Variants in ARFGEF1 observed in about 807,000 individuals in gnomAD.
The protein encoded by ARFGEF1 is ARF guanine nucleotide exchange factor 1, also known as brefeldin A-inhibited guanine nucleotide-exchange protein 1.
Under a neutral mutation model 231.0 loss-of-function variants are expected in ARFGEF1, and 42 were observed. The ratio of observed to expected loss-of-function variants is 0.18; its 90% CI spans 0.14 to 0.24. The LOEUF is 0.24. ARFGEF1 is among the 10% of genes least tolerant of loss of function. The pLI, the probability that ARFGEF1 is intolerant of heterozygous loss-of-function variation, is 1.00. For missense variants in ARFGEF1, 1,345 were observed against 2,192.0 expected (o/e 0.61, Z 7.72); for synonymous variants, 710 against 732.3 (o/e 0.97, Z 0.49).
intron 1 of ARFGEF1, among the ~76,000 whole-genome samples, chr8:67,305,636 C>T (rs191656455): frequency 9.9e-5 from 15 of 152,090 alleles, no homozygotes; most frequent in East Asian, 5.8e-4. Context: ...TGTGAGCCAC[C>T]GCGCCCGGCC....
At chr8:67,181,391 A>C (rs1416279414) in intron 5 of ARFGEF1, among the ~76,000 whole-genome samples, 2 of 140,684 alleles carry the variant, frequency 1.4e-5, no homozygotes, top group Non-Finnish European at 1.5e-5. Context: ...AGGAAGATGC[A>C]CTGCGGAGAG....
chr8:67,328,423 T>C (rs1268341245), intron 1 of ARFGEF1, among the ~76,000 whole-genome samples: 1 of 152,184 alleles, frequency 6.6e-6, no homozygotes, highest in Non-Finnish European at 1.5e-5. Flanking sequence ...TATAGCAGTT[T>C]GCACACACAA....
At chr8:67,278,359 C>G (rs1173120500) in intron 7 of ARFGEF1, among the ~76,000 whole-genome samples, 1 of 152,048 alleles carries the variant, frequency 6.6e-6, no homozygotes, top group Non-Finnish European at 1.5e-5. Flanking sequence ...TATGAGGAAC[C>G]ACCAAAACAC....
chr8:67,186,356 C>T (rs1276638583), intron 5 of ARFGEF1, among the ~76,000 whole-genome samples: 1 of 149,732 alleles, frequency 6.7e-6, no homozygotes, highest in Non-Finnish European at 1.5e-5. Context: ...TAGTGGTGGT[C>T]AGACATGGAA....
In ARFGEF1 at chr8:67,226,435, ACT is replaced by A. The variant is rs531896748; in HGVS notation, c.3917-254_3917-253del. On this transcript the variant is annotated intron_variant, in intron 27 of 38. Coordinates refer to ENST00000262215, the MANE Select transcript of ARFGEF1 (RefSeq NM_006421.5). Reference sequence around the variant, plus strand: ...ATACAGTGACTGGTACACGGTAGGTACTGATTCAACTTTGGTTGAATGAATAT... The same window carrying A: ...ATACAGTGACTGGTACACGGTAGGTAGATTCAACTTTGGTTGAATGAATAT... Among the ~76,000 whole-genome samples the A allele has an allele frequency of 1.8e-4, 27 of 152,248 alleles. 1 individual carries two copies. The East Asian group carries it at 5.0e-3, about 28-fold the overall frequency.
At chr8:67,253,730 T>C (rs1442322625) in intron 17 of ARFGEF1, 108 bp from the exon 18 acceptor site, 10 of 600,850 alleles carry the variant, frequency 1.7e-5, no homozygotes, top group Admixed American at 8.1e-5. Flanking sequence ...CTTTTGAGGA[T>C]AGAAACTGGA....
intron 5 of ARFGEF1, among the ~76,000 whole-genome samples, chr8:67,181,907 A>AGTC (rs1833150997): frequency 6.6e-6 from 1 of 152,236 alleles, no homozygotes; most frequent in Non-Finnish European, 1.5e-5. Context: ...GACCTCATGT[A>AGTC]AGTGGAATCA....
In ARFGEF1 at chr8:67,337,264, GA is replaced by G. The variant is rs533640139; in HGVS notation, c.124+5899del. On this transcript the variant is annotated intron_variant, in intron 1 of 38. Transcript: ENST00000262215. ...CTAAAATACATATAAAAGGCAGGAT[GA>G]AAATGTTTTACTGTCTAAAAATCTA... Among the ~76,000 whole-genome samples the G allele has an allele frequency of 1.4e-3, 214 of 151,616 alleles. 4 individuals carry two copies. Among genetic ancestry groups the G allele is most frequent in the South Asian group, 0.012 (58 of 4,794 alleles).
At chr8:67,338,549 A>T (rs112522828) in intron 1 of ARFGEF1, among the ~76,000 whole-genome samples, 3,808 of 152,346 alleles carry the variant, frequency 0.025, 108 homozygotes, top group South Asian at 0.047. Context: ...ATTACACACT[A>T]TAATCCAAAC....
At chr8:67,260,729 A>T (rs1206370668) in intron 14 of ARFGEF1, among the ~76,000 whole-genome samples, 7 of 152,178 alleles carry the variant, frequency 4.6e-5, no homozygotes, top group Admixed American at 4.6e-4. Context: ...TTAAATAAAA[A>T]ACTAGAAATA....
chr8:67,201,710 C>CTGCTGCTTA, intron 36 of ARFGEF1, 105 bp from the exon 37 acceptor site: 1 of 1,463,580 alleles, frequency 6.8e-7, no homozygotes, highest in Non-Finnish European at 9.3e-7. Flanking sequence ...CCATCAGCAT[C>CTGCTGCTTA]TGCTGCTTAC....
intron 35 of ARFGEF1, among the ~76,000 whole-genome samples, chr8:67,203,597 G>A (rs770775193): frequency 3.3e-5 from 5 of 152,140 alleles, no homozygotes; most frequent in East Asian, 1.9e-4. Flanking sequence ...CTGGCAAAAT[G>A]GCCATGTCAT....
At chr8:67,266,259 AG>A in intron 13 of ARFGEF1, 52 bp from the exon 14 acceptor site, 2 of 1,455,710 alleles carry the variant, frequency 1.4e-6, no homozygotes, top group Non-Finnish European at 1.9e-6. Context: ...GAAAAAAAAA[AG>A]TGTAAGGGCA....
chr8:67,319,623 ACTCT>A (rs765326801), intron 1 of ARFGEF1, among the ~76,000 whole-genome samples: 1 of 151,950 alleles, frequency 6.6e-6, no homozygotes, highest in Non-Finnish European at 1.5e-5. Context: ...CATAGGAGAA[ACTCT>A]CTGTGAGTTT....
chr8:67,250,623 T>A (rs1482590751), intron 19 of ARFGEF1, among the ~76,000 whole-genome samples: 1 of 152,198 alleles, frequency 6.6e-6, no homozygotes, highest in Admixed American at 6.5e-5. Flanking sequence ...CGGATTATGA[T>A]CTTTAGCCTC....
chr8:67,331,075 TAAGA>T (rs1375648163), intron 1 of ARFGEF1, among the ~76,000 whole-genome samples: 3 of 152,004 alleles, frequency 2.0e-5, no homozygotes, highest in East Asian at 3.8e-4. Flanking sequence ...AAAAAAAAAT[TAAGA>T]AACAACGAAG....
At chr8:67,325,402 T>C (rs755637121) in intron 1 of ARFGEF1, among the ~76,000 whole-genome samples, 1 of 152,212 alleles carries the variant, frequency 6.6e-6, no homozygotes, top group South Asian at 2.1e-4. Context: ...TTTTTAATAC[T>C]TTCTCATCTC....
At chr8:67,240,129 CA>C (rs1839886300) in intron 20 of ARFGEF1, 32 bp downstream of exon 20, 2 of 1,599,768 alleles carry the variant, frequency 1.3e-6, no homozygotes, top group Non-Finnish European at 8.5e-7. Flanking sequence ...ATTAATGTTC[CA>C]AACTGGCTAC....
Position 67,228,379 on chromosome 8 carries a change from G to A in ARFGEF1, c.3381-115C>T. 4 of 962,014 alleles carry A rather than the reference G, an allele frequency of 4.2e-6. No homozygotes were observed. In the South Asian group the frequency reaches 6.6e-5, roughly 16 times the overall value. 59.6% of individuals were successfully genotyped at this position (962,014 alleles called of 1,614,324 possible). A position where few individuals can be genotyped will look rare whatever the true frequency, so the allele number is the denominator to read the frequency against. On this transcript the variant is annotated intron_variant, in intron 23 of 38. Coordinates refer to ENST00000262215, the MANE Select transcript of ARFGEF1 (RefSeq NM_006421.5). ...TTATGTTTTAAGGGAACAAAAAATT[G>A]GGTATTCAAATGAGTATTTTTCATC...
Sources: allele counts gnomAD v4.1 joint callset (sites outside exome capture counted in the v4.1 genomes callset), GRCh38; gene constraint gnomAD v4.1.1; transcripts MANE v1.5; gene names NCBI Gene and HGNC (gene_info 2026-07-23, HGNC 2026-07-21).